Variants in ERC2 observed in about 807,000 individuals in gnomAD.
ERC2 encodes the protein ELKS/RAB6-interacting/CAST family member 2.
In ERC2, 42 loss-of-function variants were observed where a neutral mutation model predicts 114.8. That is an observed-to-expected ratio of 0.37 (90% CI 0.29 to 0.47). The LOEUF is 0.47. Among genes scored for constraint, ERC2 ranks in the 20% least tolerant of loss-of-function variants. The pLI is 0.99. For missense variants in ERC2, 939 were observed against 1,150.7 expected (o/e 0.82, Z 2.66); for synonymous variants, 454 against 425.5 (o/e 1.07, Z -0.82).
intron 12 of ERC2, among the ~76,000 whole-genome samples, chr3:55,974,840 A>G (rs549310254): frequency 6.6e-6 from 1 of 152,346 alleles, no homozygotes; most frequent in East Asian, 1.9e-4. Context: ...TAGAACTGCC[A>G]ACACAAACAG....
chr3:55,699,765 G>GA (rs1428676802), intron 15 of ERC2, among the ~76,000 whole-genome samples: 23 of 152,064 alleles, frequency 1.5e-4, no homozygotes, highest in Non-Finnish European at 3.1e-4. Context: ...ATTTAAAAGG[G>GA]AAAAAATGGA....
intron 14 of ERC2, among the ~76,000 whole-genome samples, chr3:55,765,666 AG>A (rs2067726801): frequency 6.6e-6 from 1 of 152,226 alleles, no homozygotes; most frequent in Non-Finnish European, 1.5e-5. Flanking sequence ...TTGAGGGAGC[AG>A]CTGTTACTGG....
At chr3:55,950,864 C>T (rs2067452468) in intron 12 of ERC2, among the ~76,000 whole-genome samples, 2 of 152,094 alleles carry the variant, frequency 1.3e-5, no homozygotes, top group South Asian at 2.1e-4. Flanking sequence ...GGTTTCTTAA[C>T]GTTGAAGGAA....
chr3:55,646,099 AT>A (rs2060385687), intron 17 of ERC2, among the ~76,000 whole-genome samples: 1 of 152,078 alleles, frequency 6.6e-6, no homozygotes, highest in African/African-American at 2.4e-5. Flanking sequence ...ATAACAGCCC[AT>A]TTTTACATAG....
chr3:55,760,912 C>A (rs2067385853), intron 14 of ERC2, among the ~76,000 whole-genome samples: 1 of 152,090 alleles, frequency 6.6e-6, no homozygotes, highest in Non-Finnish European at 1.5e-5. Flanking sequence ...ATGACATAAA[C>A]CTGTGGAAAA....
chr3:55,832,215 G>A (rs934237326), intron 14 of ERC2, among the ~76,000 whole-genome samples: 40 of 152,240 alleles, frequency 2.6e-4, no homozygotes, highest in African/African-American at 8.4e-4. Context: ...AACCTCTGCA[G>A]ACTTAAATGT....
intron 14 of ERC2, among the ~76,000 whole-genome samples, chr3:55,799,897 T>C (rs1287597990): frequency 1.3e-5 from 2 of 152,042 alleles, no homozygotes; most frequent in Admixed American, 6.5e-5. Flanking sequence ...TGCTATATAA[T>C]AGGGATAAGG....
At chr3:56,377,835 T>C (rs1157387645) in intron 2 of ERC2, among the ~76,000 whole-genome samples, 2 of 149,012 alleles carry the variant, frequency 1.3e-5, no homozygotes, top group East Asian at 2.0e-4. Flanking sequence ...CTAGGCAACA[T>C]AGAGAAACCC....
intron 14 of ERC2, among the ~76,000 whole-genome samples, chr3:55,772,773 C>CT (rs1177499478): frequency 6.6e-6 from 1 of 152,170 alleles, no homozygotes; most frequent in Non-Finnish European, 1.5e-5. Flanking sequence ...GCAACTCCTG[C>CT]TGTAGTTACC....
At chr3:56,432,914 G>A (rs953151581) in intron 2 of ERC2, among the ~76,000 whole-genome samples, 6 of 152,158 alleles carry the variant, frequency 3.9e-5, no homozygotes, top group Non-Finnish European at 8.8e-5. Flanking sequence ...TAGAGATGAA[G>A]CTGGGGCCAG....
chr3:56,068,968 G>C (rs910854854), intron 7 of ERC2, among the ~76,000 whole-genome samples: 1 of 152,144 alleles, frequency 6.6e-6, no homozygotes, highest in African/African-American at 2.4e-5. Context: ...TTTTGTGATC[G>C]ATTTTAGAGT....
chr3:56,191,334 C>G (rs895253125), intron 3 of ERC2, among the ~76,000 whole-genome samples: 1 of 152,176 alleles, frequency 6.6e-6, no homozygotes, highest in African/African-American at 2.4e-5. Flanking sequence ...AGGCACACTG[C>G]AAACTGTCTG....
At chr3:56,462,197 A>C (rs1009601035) in intron 1 of ERC2, among the ~76,000 whole-genome samples, 1 of 152,242 alleles carries the variant, frequency 6.6e-6, no homozygotes, top group Non-Finnish European at 1.5e-5. Context: ...TTCATATCTC[A>C]TTAGCAATTC....
At chr3:55,818,463 T>C (rs1406996885) in intron 14 of ERC2, among the ~76,000 whole-genome samples, 1 of 152,220 alleles carries the variant, frequency 6.6e-6, no homozygotes, top group East Asian at 1.9e-4. Context: ...ATTACACTGA[T>C]AAGATTTCTA....
At chr3:56,125,483 T>C (rs2079817185) in intron 6 of ERC2, among the ~76,000 whole-genome samples, 1 of 152,180 alleles carries the variant, frequency 6.6e-6, no homozygotes, top group African/African-American at 2.4e-5. Context: ...GAAGTTATCA[T>C]GAACTGACCC....
chr3:56,143,645 A>T (rs1174964721), intron 5 of ERC2, among the ~76,000 whole-genome samples: 2 of 152,076 alleles, frequency 1.3e-5, no homozygotes, highest in East Asian at 3.9e-4. Flanking sequence ...TTCCTTTATA[A>T]ATTACCCAGT....
chr3:55,537,851 G>C (rs1318870782), intron 17 of ERC2, among the ~76,000 whole-genome samples: 1 of 152,310 alleles, frequency 6.6e-6, no homozygotes. Flanking sequence ...CTGCAAAGAA[G>C]TCCAAAAATG....
intron 3 of ERC2, among the ~76,000 whole-genome samples, chr3:56,202,459 T>G (rs2048459998): frequency 2.0e-5 from 3 of 150,044 alleles, no homozygotes; most frequent in Admixed American, 6.7e-5. Flanking sequence ...AAAAGAGAGT[T>G]TGCAAACATA....
At chr3:56,315,684 T>A (rs879393055) in intron 2 of ERC2, among the ~76,000 whole-genome samples, 1 of 152,096 alleles carries the variant, frequency 6.6e-6, no homozygotes, top group Non-Finnish European at 1.5e-5. Context: ...AACAAGGAAT[T>A]GCAAAGTGCT....
Sources: gnomAD v4.1 joint callset for allele counts (sites outside exome capture counted in the v4.1 genomes callset) on GRCh38, gnomAD v4.1.1 for gene constraint, MANE v1.5 for transcripts, NCBI Gene and HGNC (gene_info 2026-07-23, HGNC 2026-07-21) for gene names.